The following PMFBP1 variants were observed in gnomAD, a reference collection of about 807,000 sequenced individuals.
PMFBP1 encodes polyamine-modulated factor 1-binding protein 1.
In PMFBP1, 131 loss-of-function variants were observed where a neutral mutation model predicts 137.8. The ratio of observed to expected loss-of-function variants is 0.95; its 90% CI spans 0.82 to 1.10. The LOEUF is 1.10. Among genes scored for constraint, PMFBP1 ranks in the 50% least tolerant of loss-of-function variants. The pLI, the probability that PMFBP1 is intolerant of heterozygous loss-of-function variation, is 0.00. For missense variants in PMFBP1, 1,199 were observed against 1,175.4 expected (o/e 1.02, Z -0.29); for synonymous variants, 490 against 450.4 (o/e 1.09, Z -1.11).
At chr16:72,159,635 G>A (rs1403520070) in intron 3 of PMFBP1, among the ~76,000 whole-genome samples, 1 of 152,146 alleles carries the variant, frequency 6.6e-6, no homozygotes, top group East Asian at 1.9e-4. Flanking sequence ...TTGGAGAAAT[G>A]CCTAGACTTA....
the PMFBP1 span, among the ~76,000 whole-genome samples, chr16:72,216,990 G>A: frequency 7.2e-5 from 11 of 152,160 alleles, no homozygotes; most frequent in East Asian, 1.9e-4. Context: ...CAGAGACCCC[G>A]GACTCTGAGC....
At chr16:72,212,701 T>C in the PMFBP1 span, among the ~76,000 whole-genome samples, 1 of 152,130 alleles carries the variant, frequency 6.6e-6, no homozygotes. Flanking sequence ...TGTAAGGACA[T>C]GAATCTCAGG....
At chr16:72,124,337 A>T (rs529242362) in intron 17 of PMFBP1, among the ~76,000 whole-genome samples, 5 of 152,246 alleles carry the variant, frequency 3.3e-5, no homozygotes, top group Non-Finnish European at 7.3e-5. Context: ...TAATTCGAGC[A>T]AAGGCCCAGT....
intron 9 of PMFBP1, among the ~76,000 whole-genome samples, chr16:72,133,966 T>C (rs989685088): frequency 1.3e-5 from 2 of 151,906 alleles, no homozygotes; most frequent in African/African-American, 2.4e-5. Context: ...AAAATACAAA[T>C]GTTAGCCAGG....
the PMFBP1 span, among the ~76,000 whole-genome samples, chr16:72,221,812 C>T: frequency 4.6e-5 from 7 of 152,160 alleles, no homozygotes; most frequent in Non-Finnish European, 7.3e-5. Flanking sequence ...AATGTTTAGA[C>T]ATAGAGTCAT....
At chr16:72,239,106 T>C in the PMFBP1 span, among the ~76,000 whole-genome samples, 23 of 152,306 alleles carry the variant, frequency 1.5e-4, no homozygotes, top group Admixed American at 1.3e-3. Context: ...AGTGCTGAGA[T>C]TGAGAAACTT....
chr16:72,125,509 G>T, intron 15 of PMFBP1, 104 bp from the exon 16 acceptor site: 1 of 1,306,524 alleles, frequency 7.7e-7, no homozygotes, highest in Non-Finnish European at 1.0e-6. Context: ...CCTCTGCCCA[G>T]GGTGACACGG....
intron 2 of PMFBP1, among the ~76,000 whole-genome samples, chr16:72,165,870 G>C (rs2043138207): frequency 6.6e-6 from 1 of 152,196 alleles, no homozygotes; most frequent in East Asian, 1.9e-4. Context: ...GATATAAATA[G>C]AATGTGTGGG....
At chr16:72,144,228 C>A (rs2042768180) in intron 5 of PMFBP1, among the ~76,000 whole-genome samples, 1 of 152,128 alleles carries the variant, frequency 6.6e-6, no homozygotes, top group African/African-American at 2.4e-5. Flanking sequence ...TTCCACAGGG[C>A]ATGCTAATTT....
At chr16:72,189,086 C>T in the PMFBP1 span, among the ~76,000 whole-genome samples, 5 of 151,770 alleles carry the variant, frequency 3.3e-5, no homozygotes, top group African/African-American at 1.2e-4. Context: ...AACAAATACA[C>T]AGTACTTTGG....
chr16:72,203,790 T>C, the PMFBP1 span, among the ~76,000 whole-genome samples: 25 of 152,234 alleles, frequency 1.6e-4, no homozygotes, highest in African/African-American at 4.3e-4. Context: ...TTAATACCCT[T>C]CTTTCACTTG....
At chr16:72,216,875 C>T in the PMFBP1 span, among the ~76,000 whole-genome samples, 1 of 152,194 alleles carries the variant, frequency 6.6e-6, no homozygotes, top group Non-Finnish European at 1.5e-5. Context: ...GCTTGCTTCG[C>T]TGCAGTATAA....
chr16:72,239,744 T>C, the PMFBP1 span, among the ~76,000 whole-genome samples: 2 of 151,868 alleles, frequency 1.3e-5, no homozygotes, highest in African/African-American at 4.8e-5. Flanking sequence ...ATACAAAAAT[T>C]AGCTGGGTGT....
At chr16:72,150,902 T>C in intron 4 of PMFBP1, 73 bp from the exon 5 acceptor site, 16 of 1,328,692 alleles carry the variant, frequency 1.2e-5, no homozygotes, top group Non-Finnish European at 1.6e-5. Flanking sequence ...GTTGTAAGAT[T>C]CCCTGCAGAG....
the PMFBP1 span, among the ~76,000 whole-genome samples, chr16:72,201,001 G>C: frequency 6.6e-6 from 1 of 152,288 alleles, no homozygotes; most frequent in Non-Finnish European, 1.5e-5. Context: ...TCTCTGCCTG[G>C]ACAACTGTCC....
At chr16:72,188,254 T>G in the PMFBP1 span, among the ~76,000 whole-genome samples, 2 of 152,222 alleles carry the variant, frequency 1.3e-5, no homozygotes, top group African/African-American at 4.8e-5. Flanking sequence ...TTGGGCTAAT[T>G]AAAGGTACAG....
chr16:72,128,450 T>C (rs2042494672), intron 14 of PMFBP1: 1 of 1,521,358 alleles, frequency 6.6e-7, no homozygotes. Flanking sequence ...AGATATGAGA[T>C]GAGACCTTCC....
chr16:72,119,520 C>A, intron 20 of PMFBP1, 166 bp from the exon 21 acceptor site: 2 of 1,499,138 alleles, frequency 1.3e-6, no homozygotes, highest in South Asian at 1.4e-5. Context: ...TGGACCCAGG[C>A]TGGGTAGGTG....
At chr16:72,207,923 G>C in the PMFBP1 span, among the ~76,000 whole-genome samples, 2 of 152,084 alleles carry the variant, frequency 1.3e-5, no homozygotes, top group Admixed American at 1.3e-4. Context: ...CAGTCCAAAA[G>C]CTAGCAGACT....
Sources: gnomAD v4.1 joint callset for allele counts (sites outside exome capture counted in the v4.1 genomes callset) on GRCh38, gnomAD v4.1.1 for gene constraint, MANE v1.5 for transcripts, NCBI Gene and HGNC (gene_info 2026-07-23, HGNC 2026-07-21) for gene names.